The following PTPRM variants were observed in gnomAD, a reference collection of about 807,000 sequenced individuals.
PTPRM encodes the protein receptor-type tyrosine-protein phosphatase mu.
In PTPRM, 47 loss-of-function variants were observed where a neutral mutation model predicts 186.7. The ratio of observed to expected loss-of-function variants is 0.25; its 90% confidence interval spans 0.20 to 0.32. The LOEUF is 0.32. Among genes scored for constraint, PTPRM ranks in the 10% least tolerant of loss-of-function variants. The pLI is 1.00. For synonymous variants in PTPRM, 668 were observed against 674.9 expected, an observed-to-expected ratio of 0.99 and a Z score of 0.16; for missense variants, 1,494 against 1,865.0, an observed-to-expected ratio of 0.80 and a Z score of 3.66.
intron 3 of PTPRM, among the ~76,000 whole-genome samples, chr18:7,890,957 A>C (rs1404676632): frequency 3.9e-5 from 6 of 152,178 alleles, no homozygotes; most frequent in Admixed American, 3.9e-4. Flanking sequence ...AAAGACTGAA[A>C]TATATCCTGA....
At chr18:7,718,563 G>A (rs1443756206) in intron 1 of PTPRM, among the ~76,000 whole-genome samples, 1 of 152,100 alleles carries the variant, frequency 6.6e-6, no homozygotes, top group Non-Finnish European at 1.5e-5. Flanking sequence ...TAAACAAATG[G>A]GACCTAATTA....
intron 13 of PTPRM, among the ~76,000 whole-genome samples, chr18:8,138,598 C>A (rs144894478): frequency 6.6e-6 from 1 of 152,168 alleles, no homozygotes; most frequent in African/African-American, 2.4e-5. Flanking sequence ...TCAAAAGAGA[C>A]CTTTCAAATG....
At chr18:7,778,126 T>C (rs911045251) in intron 2 of PTPRM, among the ~76,000 whole-genome samples, 1 of 152,250 alleles carries the variant, frequency 6.6e-6, no homozygotes, top group Admixed American at 6.5e-5. Flanking sequence ...TGTTTCCCCA[T>C]ATCCTTATGT....
chr18:7,948,209 A>G (rs1163585886), intron 5 of PTPRM, among the ~76,000 whole-genome samples: 1 of 151,212 alleles, frequency 6.6e-6, no homozygotes, highest in Non-Finnish European at 1.5e-5. Flanking sequence ...ATATTTGTCC[A>G]TATTCGTATT....
At chr18:8,258,260 A>G (rs1318797581) in intron 19 of PTPRM, among the ~76,000 whole-genome samples, 4 of 152,122 alleles carry the variant, frequency 2.6e-5, no homozygotes, top group Admixed American at 2.6e-4. Context: ...TCTGGGGGGA[A>G]CCTTTGGGCT....
Position 7,977,215 on chromosome 18 carries a change from G to C in PTPRM, c.1132+21801G>C, listed in dbSNP as rs141269060. ...AGTAATTCTCCTGCCTCAGCCTCCT[G>C]AGTAGCTGGTATTACAGGCACCTGC... On this transcript the variant is annotated intron_variant, in intron 7 of 32. Transcript: ENST00000580170. Among the ~76,000 whole-genome samples, 11 of 152,170 alleles carry C rather than the reference G, an allele frequency of 7.2e-5. No individual in the cohort carries two copies. The East Asian group carries it at 2.1e-3, about 30-fold the overall frequency.
intron 1 of PTPRM, among the ~76,000 whole-genome samples, chr18:7,681,702 G>A (rs914688207): frequency 1.3e-5 from 2 of 152,064 alleles, no homozygotes; most frequent in African/African-American, 2.4e-5. Context: ...CATAAGCCAC[G>A]TTGCTCACTC....
intron 2 of PTPRM, among the ~76,000 whole-genome samples, chr18:7,817,174 C>T (rs554259974): frequency 1.3e-5 from 2 of 152,144 alleles, no homozygotes; most frequent in South Asian, 4.2e-4. Context: ...AGGGTTTTGC[C>T]ATGTTGGCCA....
intron 7 of PTPRM, among the ~76,000 whole-genome samples, chr18:8,036,176 G>A (rs2148115843): frequency 6.6e-6 from 1 of 152,254 alleles, no homozygotes; most frequent in East Asian, 1.9e-4. Context: ...GGTAACTCCG[G>A]GGAACAGAAG....
intron 13 of PTPRM, among the ~76,000 whole-genome samples, chr18:8,120,636 C>T (rs576598224): frequency 1.3e-5 from 2 of 152,042 alleles, no homozygotes; most frequent in South Asian, 2.1e-4. Context: ...GCTGGGACTA[C>T]AGGCGCAAGC....
At chr18:7,955,545 C>T (rs1248091899) in intron 7 of PTPRM, 131 bp downstream of exon 7, 1 of 1,072,708 alleles carries the variant, frequency 9.3e-7, no homozygotes, top group Non-Finnish European at 1.3e-6. Flanking sequence ...AGAAAATGCC[C>T]TTAGCCTGTG....
chr18:8,338,562 C>G (rs1180269849), intron 22 of PTPRM, among the ~76,000 whole-genome samples: 2 of 152,160 alleles, frequency 1.3e-5, no homozygotes, highest in South Asian at 2.1e-4. Context: ...AAACTCAGCC[C>G]TATAGCTCAC....
At chr18:8,299,243 G>A (rs1214016036) in intron 20 of PTPRM, among the ~76,000 whole-genome samples, 1 of 152,142 alleles carries the variant, frequency 6.6e-6, no homozygotes, top group Admixed American at 6.5e-5. Context: ...CAGAGAGTAT[G>A]TACTTAAAAG....
At chr18:7,628,471 G>A (rs1316536630) in intron 1 of PTPRM, among the ~76,000 whole-genome samples, 1 of 152,148 alleles carries the variant, frequency 6.6e-6, no homozygotes. Flanking sequence ...AAACGTGATT[G>A]TAAATCGTTT....
At chr18:8,029,903 C>T (rs1477503681) in intron 7 of PTPRM, among the ~76,000 whole-genome samples, 1 of 152,204 alleles carries the variant, frequency 6.6e-6, no homozygotes, top group Non-Finnish European at 1.5e-5. Context: ...CTGAGGTGGC[C>T]TGTCTGCATG....
chr18:8,268,855 C>T (rs2094734883), intron 19 of PTPRM, among the ~76,000 whole-genome samples: 1 of 151,980 alleles, frequency 6.6e-6, no homozygotes, highest in Non-Finnish European at 1.5e-5. Flanking sequence ...GTAGAAAAGG[C>T]ATTTCTCAAA....
At chr18:7,873,875 A>G (rs1187497001) in intron 2 of PTPRM, among the ~76,000 whole-genome samples, 1 of 152,212 alleles carries the variant, frequency 6.6e-6, no homozygotes, top group African/African-American at 2.4e-5. Flanking sequence ...AAGATTAAAA[A>G]TACATATACC....
Position 8,311,169 on chromosome 18 carries a change from C to T in PTPRM, c.2843-3612C>T, listed in dbSNP as rs142794807. 6.3e-3 allele frequency among the ~76,000 whole-genome samples: 963 copies of T among 152,080 alleles called. 9 individuals are homozygous for T. The highest frequency in any genetic ancestry group is 0.022 in the African/African-American group (918 of 41,496). ...ACTTAAAATATAAAAATTAGCCAGG[C>T]GTGGAGGTGTGTGCCTGTAATCCCA... On this transcript the variant is annotated intron_variant, in intron 20 of 32. Coordinates refer to ENST00000580170, the MANE Select transcript of PTPRM (RefSeq NM_001105244.2).
chr18:8,143,623 T>A, intron 13 of PTPRM, 24 bp from the exon 14 acceptor site: 1 of 1,575,452 alleles, frequency 6.3e-7, no homozygotes. Flanking sequence ...CAGTCTCTCC[T>A]TTTTCATTTC....
Sources: gnomAD v4.1 joint callset for allele counts (sites outside exome capture counted in the v4.1 genomes callset) on GRCh38, gnomAD v4.1.1 for gene constraint, MANE v1.5 for transcripts, NCBI Gene and HGNC (gene_info 2026-07-23, HGNC 2026-07-21) for gene names.